The following PIP4K2A variants were observed in gnomAD, a reference collection of about 807,000 sequenced individuals.
PIP4K2A encodes phosphatidylinositol-5-phosphate 4-kinase type 2 alpha, also known as phosphatidylinositol 5-phosphate 4-kinase type-2 alpha.
PIP4K2A carries 14 observed loss-of-function variants against 42.9 expected under a neutral mutation model. That is an observed-to-expected ratio of 0.33 (90% CI 0.22 to 0.51). The LOEUF is 0.51. PIP4K2A is among the 20% of genes least tolerant of loss of function. PIP4K2A has a pLI of 0.97. For missense variants in PIP4K2A, 434 were observed against 519.8 expected (o/e 0.83, Z 1.61); for synonymous variants, 192 against 192.2 (o/e 1.00, Z 0.01).
intron 1 of PIP4K2A, among the ~76,000 whole-genome samples, chr10:22,625,172 G>C (rs1463336822): frequency 2.6e-5 from 4 of 152,158 alleles, no homozygotes; most frequent in Non-Finnish European, 2.9e-5. Flanking sequence ...TCTTTGTGGG[G>C]TGTATTTTTC....
At chr10:22,551,655 G>A (rs367929202) in intron 6 of PIP4K2A, among the ~76,000 whole-genome samples, 3 of 152,126 alleles carry the variant, frequency 2.0e-5, no homozygotes, top group East Asian at 3.8e-4. Context: ...CACCCCTTTC[G>A]GCTAACCATA....
chr10:22,563,944 A>C (rs1038323918), intron 6 of PIP4K2A, among the ~76,000 whole-genome samples: 1 of 152,156 alleles, frequency 6.6e-6, no homozygotes, highest in Non-Finnish European at 1.5e-5. Flanking sequence ...TGTTTGAAGG[A>C]ATGATGGCTA....
At chr10:22,664,430 GT>G (rs577265279) in intron 1 of PIP4K2A, among the ~76,000 whole-genome samples, 1 of 148,634 alleles carries the variant, frequency 6.7e-6, no homozygotes, top group African/African-American at 2.5e-5. Flanking sequence ...CCTCTTCATG[GT>G]TTTTTTAATT....
intron 1 of PIP4K2A, among the ~76,000 whole-genome samples, chr10:22,695,290 C>G (rs944550154): frequency 2.0e-5 from 3 of 152,156 alleles, no homozygotes; most frequent in African/African-American, 7.2e-5. Context: ...TTCAGTAGTA[C>G]ACACAGGAAA....
intron 3 of PIP4K2A, among the ~76,000 whole-genome samples, chr10:22,602,275 C>T (rs1305452502): frequency 6.6e-6 from 1 of 151,658 alleles, no homozygotes; most frequent in African/African-American, 2.4e-5. Flanking sequence ...TACCTGTAGT[C>T]CCAGGTACTC....
At chr10:22,645,117 T>A (rs957456421) in intron 1 of PIP4K2A, among the ~76,000 whole-genome samples, 4 of 152,242 alleles carry the variant, frequency 2.6e-5, no homozygotes, top group African/African-American at 9.6e-5. Context: ...AAAATTTTGA[T>A]CTTTTAAAAT....
chr10:22,566,410 A>C (rs903473749), intron 6 of PIP4K2A, among the ~76,000 whole-genome samples: 9 of 152,178 alleles, frequency 5.9e-5, no homozygotes, highest in African/African-American at 2.2e-4. Flanking sequence ...AGTGGAATGA[A>C]CACCTACCTA....
intron 1 of PIP4K2A, among the ~76,000 whole-genome samples, chr10:22,687,885 A>G (rs1018926655): frequency 1.3e-5 from 2 of 152,228 alleles, no homozygotes; most frequent in African/African-American, 4.8e-5. Context: ...AATGCGGAAC[A>G]TGCAGATACA....
rs1238857653 is a variant in PIP4K2A at position 22,710,480 on chromosome 10, G to C, written c.144+3703C>G. On this transcript the variant is annotated intron_variant, in intron 1 of 9. Coordinates refer to ENST00000376573, the MANE Select transcript of PIP4K2A (RefSeq NM_005028.5). Reference sequence around the variant, plus strand: ...TATTTTTATAACTGAATTAGAGACAGGAAACCCTTTTGGGGGAGCAGAAAT... The same window carrying C: ...TATTTTTATAACTGAATTAGAGACACGAAACCCTTTTGGGGGAGCAGAAAT... Among the ~76,000 whole-genome samples, 6 of 152,212 alleles carry C rather than the reference G, an allele frequency of 3.9e-5. No individual in the cohort carries two copies. In the South Asian group the frequency reaches 1.2e-3, roughly 32 times the overall value.
intron 1 of PIP4K2A, among the ~76,000 whole-genome samples, chr10:22,702,884 T>C (rs1217209644): frequency 6.6e-6 from 1 of 152,164 alleles, no homozygotes; most frequent in African/African-American, 2.4e-5. Flanking sequence ...GGGATACACC[T>C]AGTAAATAGG....
In PIP4K2A at chr10:22,541,934, G is replaced by A. The variant is rs111483402; in HGVS notation, c.906C>T (p.Gly302=). The change falls in exon 8 of 10, where the codon GGC becomes GGT. Residue 302 remains glycine, a synonymous_variant. Coordinates refer to ENST00000376573, the MANE Select transcript of PIP4K2A (RefSeq NM_005028.5). Reference sequence around the variant, plus strand: ...CCACCGGGTGGGTGCCATCGCTCTCGCCCTCCTCCTCCCCATCGTTCTCCT... The same window carrying A: ...CCACCGGGTGGGTGCCATCGCTCTCACCCTCCTCCTCCCCATCGTTCTCCT... The part of the protein sequence containing the change: ...ECEENDGEEE[G]ESDGTHPVGT... The A allele has an allele frequency of 9.9e-4, 1,604 of 1,613,794 alleles. 4 individuals carry two copies. The highest frequency in any genetic ancestry group is 1.2e-3 in the South Asian group (112 of 91,064).
chr10:22,633,015 G>C (rs1301577888), intron 1 of PIP4K2A, among the ~76,000 whole-genome samples: 1 of 151,982 alleles, frequency 6.6e-6, no homozygotes, highest in Non-Finnish European at 1.5e-5. Context: ...AGTATACATC[G>C]GGTATCTGCT....
chr10:22,576,517 C>A lies in PIP4K2A; in HGVS notation c.493-3060G>T, dbSNP rs142846483. On this transcript the variant is annotated intron_variant, in intron 4 of 9. Transcript: ENST00000376573. ...AGCTACAGCTTTAGCCGGGGTCTCA[C>A]GAGCCTCAGCCACCTTACACAGCTA... is the stretch of plus-strand genomic sequence containing the variant. 1.9e-3 allele frequency among the ~76,000 whole-genome samples: 288 copies of A among 152,258 alleles called. 4 individuals are homozygous for A. The highest frequency in any genetic ancestry group is 0.015 in the Admixed American group (225 of 15,300).
At chr10:22,632,069 T>A (rs1223334100) in intron 1 of PIP4K2A, among the ~76,000 whole-genome samples, 2 of 146,684 alleles carry the variant, frequency 1.4e-5, no homozygotes, top group East Asian at 2.0e-4. Flanking sequence ...TGAGAGCCAT[T>A]CTACAAAATA....
intron 4 of PIP4K2A, among the ~76,000 whole-genome samples, chr10:22,580,421 G>A (rs989062281): frequency 5.3e-5 from 8 of 151,926 alleles, no homozygotes; most frequent in Admixed American, 6.5e-5. Flanking sequence ...AGGCCAAGGC[G>A]GGCGGATTAC....
chr10:22,548,295 G>A (rs560807876), intron 7 of PIP4K2A, among the ~76,000 whole-genome samples: 1 of 152,346 alleles, frequency 6.6e-6, no homozygotes, highest in Admixed American at 6.5e-5. Flanking sequence ...CTTGAGCCAT[G>A]TATGGGATTA....
chr10:22,539,908 AGAGG>A (rs767219947), intron 9 of PIP4K2A, 59 bp downstream of exon 9: 34,994 of 198,132 alleles, frequency 0.18, 1,272 homozygotes, highest in Admixed American at 0.23. Context: ...AGAGAGAGAG[AGAGG>A]GAGAGAGAGA....
chr10:22,577,123 A>T (rs1038328140), intron 4 of PIP4K2A, among the ~76,000 whole-genome samples: 3 of 151,788 alleles, frequency 2.0e-5, no homozygotes, highest in African/African-American at 7.3e-5. Flanking sequence ...CACTTAAAAA[A>T]TACGTATTGA....
At chr10:22,627,631 A>AAAAAAAAAAAAAAAAAAAAAAAAAAT (rs1838474352) in intron 1 of PIP4K2A, among the ~76,000 whole-genome samples, 1 of 116,458 alleles carries the variant, frequency 8.6e-6, no homozygotes, top group Non-Finnish European at 1.8e-5. Context: ...AAAAAAAAAA[A>AAAAAAAAAAAAAAAAAAAAAAAAAAT]GATAAGGAAA....
Sources: gnomAD v4.1 joint callset for allele counts (sites outside exome capture counted in the v4.1 genomes callset) on GRCh38, gnomAD v4.1.1 for gene constraint, MANE v1.5 for transcripts, NCBI Gene and HGNC (gene_info 2026-07-23, HGNC 2026-07-21) for gene names.